Variants in ZNF891 observed in about 807,000 individuals in gnomAD.
ZNF891 encodes the protein hCG1646157.
For missense variants in ZNF891, 589 were observed against 632.7 expected, an observed-to-expected ratio of 0.93 and a Z score of 0.74; for synonymous variants, 199 against 209.0, an observed-to-expected ratio of 0.95 and a Z score of 0.41.
chr12:133,129,677 G>A (rs1566340570), intron 1 of ZNF891, among the ~76,000 whole-genome samples: 1 of 152,070 alleles, frequency 6.6e-6, no homozygotes, highest in Non-Finnish European at 1.5e-5. Context: ...GTAAAATCTT[G>A]TTAGTATAAC....
chr12:133,129,298 T>G (rs1955849975), intron 1 of ZNF891, among the ~76,000 whole-genome samples: 1 of 152,002 alleles, frequency 6.6e-6, no homozygotes, highest in Non-Finnish European at 1.5e-5. Context: ...GGTCGGGAGT[T>G]CCAGACCAGC....
In ZNF891 at chr12:133,116,307, T is replaced by C. The variant is rs1387314396; in HGVS notation, c.*3977A>G. The stretch of plus-strand genomic sequence containing the variant: ...TTTTAGTAGAGACGAGGTTTCATCA[T>C]GTTAGCCAGGATGGTCTCAATCTCC... On this transcript the variant is annotated 3_prime_UTR_variant, in exon 2 of 2. Transcript: ENST00000537226. The C allele has an allele frequency of 1.3e-5, 2 of 152,312 alleles. No individual in the cohort carries two copies. The highest frequency in any genetic ancestry group is 2.9e-5 in the Non-Finnish European group (2 of 68,158). The allele number at this position is 152,312 out of a possible 1,614,324, so 9.4% of individuals were successfully genotyped here.
chr12:133,123,829 G>T (rs1179325940), intron 1 of ZNF891, among the ~76,000 whole-genome samples: 1 of 151,652 alleles, frequency 6.6e-6, no homozygotes, highest in Admixed American at 6.7e-5. Flanking sequence ...GAATTGTATT[G>T]CAGGTTTAAC....
chr12:133,127,684 T>C (rs7138056), intron 1 of ZNF891, among the ~76,000 whole-genome samples: 91,026 of 152,098 alleles, frequency 0.6, 28,281 homozygotes, highest in African/African-American at 0.73. Context: ...AACAGGAGAT[T>C]TAACACAGAG....
rs886291554 is a variant in ZNF891, at chr12:133,108,708, A to C, written c.*11576T>G. 1.3e-5 allele frequency: 2 copies of C among 152,238 alleles called. No homozygotes were observed. Among genetic ancestry groups the C allele is most frequent in the Non-Finnish European group, 2.9e-5 (2 of 68,034 alleles). 9.4% of individuals were successfully genotyped at this position (152,238 alleles called of 1,614,324 possible). On this transcript the variant is annotated 3_prime_UTR_variant, in exon 2 of 2. Coordinates refer to ENST00000537226, the MANE Select transcript of ZNF891 (RefSeq NM_001277291.2). ...CATTGAGAACGTTTACTTTGGAGCAATCTCCAATTAACCAAAGTGATACAA... is the reference window on the plus strand; with the variant it reads ...CATTGAGAACGTTTACTTTGGAGCACTCTCCAATTAACCAAAGTGATACAA...
rs541799805 is a variant in ZNF891, at chr12:133,111,876, A to T, written c.*8408T>A. 3 of 152,332 alleles carry T rather than the reference A, an allele frequency of 2.0e-5. No homozygotes were observed. In the East Asian group the frequency reaches 5.8e-4, roughly 29 times the overall value. 9.4% of individuals were successfully genotyped at this position (152,332 alleles called of 1,614,324 possible). ...AAAAATAAATAAAAAAGTGAATGCTAAGGAAATTAGTTTTTGGCATTCAAA... is the reference window on the plus strand; with the variant it reads ...AAAAATAAATAAAAAAGTGAATGCTTAGGAAATTAGTTTTTGGCATTCAAA... On this transcript the variant is annotated 3_prime_UTR_variant, in exon 2 of 2. Coordinates refer to ENST00000537226, the MANE Select transcript of ZNF891 (RefSeq NM_001277291.2).
At chr12:133,129,980 C>T (rs546467181) in intron 1 of ZNF891, among the ~76,000 whole-genome samples, 38 of 152,316 alleles carry the variant, frequency 2.5e-4, no homozygotes, top group Non-Finnish European at 4.4e-4. Context: ...CTGCGTGGCA[C>T]CCGCAGCCAG....
In ZNF891 at chr12:133,123,717, A is replaced by C. The variant is rs538904798; in HGVS notation, c.-106-1693T>G. Among the ~76,000 whole-genome samples, 465 of 148,560 alleles carry C rather than the reference A, an allele frequency of 3.1e-3. 2 individuals are homozygous for C. Among genetic ancestry groups the C allele is most frequent in the African/African-American group, 0.011 (438 of 40,388 alleles). On this transcript the variant is annotated intron_variant, in intron 1 of 1. Coordinates refer to ENST00000537226, the MANE Select transcript of ZNF891 (RefSeq NM_001277291.2). ...AGTGAAATCCTTTGCTTGAAAAAAA[A>C]AAAACAAAAACACACACAAACAACA...
At position 133,111,552 on chromosome 12, in the gene ZNF891, T is replaced by A. The variant is rs1234697725; in HGVS notation, c.*8732A>T. 1 of 152,162 alleles carries A rather than the reference T, an allele frequency of 6.6e-6. No homozygotes were observed. Among genetic ancestry groups the A allele is most frequent in the Non-Finnish European group, 1.5e-5 (1 of 68,038 alleles). 9.4% of individuals were successfully genotyped at this position (152,162 alleles called of 1,614,324 possible). A position where few individuals can be genotyped will look rare whatever the true frequency, so the allele number is the denominator to read the frequency against. On this transcript the variant is annotated 3_prime_UTR_variant, in exon 2 of 2. Coordinates refer to ENST00000537226, the MANE Select transcript of ZNF891 (RefSeq NM_001277291.2). ...ATAATTTTTTAAAATAAATTCTGCATCATGAACACCCTCAATATCACAAAG... is the reference window on the plus strand; with the variant it reads ...ATAATTTTTTAAAATAAATTCTGCAACATGAACACCCTCAATATCACAAAG...
In ZNF891 at chr12:133,106,414, C is replaced by T; in HGVS notation, c.*13870G>A. ...CCCTTATTCAACATACGAAGAGTCA[C>T]ACTGGAGAGAAACCCTATGCGTGTG... On this transcript the variant is annotated 3_prime_UTR_variant, in exon 2 of 2. Transcript: ENST00000537226. 6.2e-7 allele frequency: 1 copy of T among 1,614,142 alleles called. No individual in the cohort carries two copies. Among genetic ancestry groups the T allele is most frequent in the Non-Finnish European group, 8.5e-7 (1 of 1,180,014 alleles).
rs1425057350 is a variant in ZNF891 at position 133,108,841 on chromosome 12, T to C, written c.*11443A>G. 2 of 152,240 alleles carry C rather than the reference T, an allele frequency of 1.3e-5. 1 individual carries two copies. Among genetic ancestry groups the C allele is most frequent in the Admixed American group, 1.3e-4 (2 of 15,286 alleles). 9.4% of individuals were successfully genotyped at this position (152,240 alleles called of 1,614,324 possible). A position where few individuals can be genotyped will look rare whatever the true frequency, so the allele number is the denominator to read the frequency against. On this transcript the variant is annotated 3_prime_UTR_variant, in exon 2 of 2. Coordinates refer to ENST00000537226, the MANE Select transcript of ZNF891 (RefSeq NM_001277291.2). ...ATGAATGTAGAGTGAATTTCTGCAA[T>C]ATTTCAAACCTATATCAGAGAATTA... is the stretch of plus-strand genomic sequence containing the variant.
rs1372892069 is a variant in ZNF891, at chr12:133,105,187, G to T, written c.*15097C>A. On this transcript the variant is annotated 3_prime_UTR_variant, in exon 2 of 2. Coordinates refer to ENST00000537226, the MANE Select transcript of ZNF891 (RefSeq NM_001277291.2). ...CAGCATTATGAAATTGCCATTTTTAGATAATTCTGGCAGTAAATACCGTTT... is the reference window on the plus strand; with the variant it reads ...CAGCATTATGAAATTGCCATTTTTATATAATTCTGGCAGTAAATACCGTTT... Among the ~76,000 whole-genome samples the T allele has an allele frequency of 4.6e-5, 7 of 152,160 alleles. No individual in the cohort carries two copies. The highest frequency in any genetic ancestry group is 7.3e-5 in the Non-Finnish European group (5 of 68,028).
Position 133,106,124 on chromosome 12 carries a change from AG to A in ZNF891, c.*14159del. ...ATGTAGGAAATGTGGTAAAGCATTT[AG>A]CAGTGGCTCAGAACTCATTCGCCAC... On this transcript the variant is annotated 3_prime_UTR_variant, in exon 2 of 2. Coordinates refer to ENST00000537226, the MANE Select transcript of ZNF891 (RefSeq NM_001277291.2). 2 of 1,614,202 alleles carry A rather than the reference AG, an allele frequency of 1.2e-6. No individual in the cohort carries two copies. The highest frequency in any genetic ancestry group is 1.7e-6 in the Non-Finnish European group (2 of 1,180,028).
rs1010785836 is a variant in ZNF891, at chr12:133,106,901, C to T, written c.*13383G>A. 3.1e-6 allele frequency: 1 copy of T among 317,520 alleles called. No individual in the cohort carries two copies. Among genetic ancestry groups the T allele is most frequent in the Non-Finnish European group, 5.8e-6 (1 of 172,826 alleles). The allele number at this position is 317,520 out of a possible 1,614,324, so 19.7% of individuals were successfully genotyped here. A position where few individuals can be genotyped will look rare whatever the true frequency, so the allele number is the denominator to read the frequency against. On this transcript the variant is annotated 3_prime_UTR_variant, in exon 2 of 2. Transcript: ENST00000537226. ...AATATTGTTGAGAAGATTCTTCCAT[C>T]TGGTAATGTTGAGAAGACTTCATTT...
Position 133,121,791 on chromosome 12 carries a change from A to T in ZNF891, c.128T>A (p.Met43Lys). The T allele has an allele frequency of 1.3e-6, 2 of 1,536,818 alleles. No homozygotes were observed. The highest frequency in any genetic ancestry group is 1.7e-6 in the Non-Finnish European group (2 of 1,146,996). Residue 43 changes from methionine (M) to lysine (K), a missense_variant, in exon 2 of 2, where the codon ATG (methionine) becomes AAG (lysine). By Grantham distance (95) the Met-to-Lys change is moderately conservative. Transcript: ENST00000537226. ...CTCCACAGCTACATCTTTGAAAGTC[A>T]TTGGTTCCTGTAACCAGGTTGTCAG... ...VFLTTWLQEP[M>K]TFKDVAVEFT...
chr12:133,105,159 T>C lies in ZNF891; in HGVS notation c.*15125A>G, dbSNP rs1387469544. 1.3e-5 allele frequency among the ~76,000 whole-genome samples: 2 copies of C among 152,212 alleles called. No homozygotes were observed. Among genetic ancestry groups the C allele is most frequent in the African/African-American group, 4.8e-5 (2 of 41,458 alleles). On this transcript the variant is annotated 3_prime_UTR_variant, in exon 2 of 2. Transcript: ENST00000537226. Reference sequence around the variant, plus strand: ...AATCTGACGAACACTTAGTGTTTAGTAGCAGCATTATGAAATTGCCATTTT... The same window carrying C: ...AATCTGACGAACACTTAGTGTTTAGCAGCAGCATTATGAAATTGCCATTTT...
chr12:133,105,624 G>T lies in ZNF891; in HGVS notation c.*14660C>A. 1 of 1,614,154 alleles carries T rather than the reference G, an allele frequency of 6.2e-7. No individual in the cohort carries two copies. Among genetic ancestry groups the T allele is most frequent in the Non-Finnish European group, 8.5e-7 (1 of 1,180,028 alleles). ...CTAAGTCAAGGCCCTGTGTATTCCA[G>T]TTTTAAAGGAGGCTGGAAATGCAAG... On this transcript the variant is annotated 3_prime_UTR_variant, in exon 2 of 2. Coordinates refer to ENST00000537226, the MANE Select transcript of ZNF891 (RefSeq NM_001277291.2).
Position 133,120,162 on chromosome 12 carries a change from T to C in ZNF891, c.*122A>G, listed in dbSNP as rs927459086. The stretch of plus-strand genomic sequence containing the variant: ...AGTCATAATTAGTATTTACAGAAAA[T>C]GTTATATTAAAAAAAGAGCCATTTG... On this transcript the variant is annotated 3_prime_UTR_variant, in exon 2 of 2. Transcript: ENST00000537226. 1 of 724,222 alleles carries C rather than the reference T, an allele frequency of 1.4e-6. No homozygotes were observed. Among genetic ancestry groups the C allele is most frequent in the African/African-American group, 1.9e-5 (1 of 51,944 alleles). The allele number at this position is 724,222 out of a possible 1,614,324, so 44.9% of individuals were successfully genotyped here. A position where few individuals can be genotyped will look rare whatever the true frequency, so the allele number is the denominator to read the frequency against.
rs1955683615 is a variant in ZNF891 at position 133,111,695 on chromosome 12, T to A, written c.*8589A>T. ...ATAATTTTATGTATTTGACATGCAT[T>A]TCTTAAGTTAGAGGTGAATTTAAGT... On this transcript the variant is annotated 3_prime_UTR_variant, in exon 2 of 2. Transcript: ENST00000537226. 1 of 152,192 alleles carries A rather than the reference T, an allele frequency of 6.6e-6. No homozygotes were observed. Among genetic ancestry groups the A allele is most frequent in the East Asian group, 1.9e-4 (1 of 5,194 alleles). The allele number at this position is 152,192 out of a possible 1,614,324, so 9.4% of individuals were successfully genotyped here. A position where few individuals can be genotyped will look rare whatever the true frequency, so the allele number is the denominator to read the frequency against.
Sources: allele counts gnomAD v4.1 joint callset (sites outside exome capture counted in the v4.1 genomes callset), GRCh38; gene constraint gnomAD v4.1.1; transcripts MANE v1.5; gene names NCBI Gene and HGNC (gene_info 2026-07-23, HGNC 2026-07-21).